Variants in ZSCAN5A observed in about 807,000 individuals in gnomAD.
ZSCAN5A encodes zinc finger and SCAN domain-containing protein 5A.
A neutral mutation model predicts 23.7 loss-of-function variants in ZSCAN5A; 12 were observed. The ratio of observed to expected loss-of-function variants is 0.51; its 90% CI spans 0.32 to 0.82. ZSCAN5A has a LOEUF of 0.82. Among genes scored for constraint, ZSCAN5A ranks in the 40% least tolerant of loss-of-function variants. ZSCAN5A has a pLI of 0.03. For missense variants in ZSCAN5A, 597 were observed against 617.9 expected (o/e 0.97, Z 0.36); for synonymous variants, 257 against 239.9 (o/e 1.07, Z -0.66).
intron 2 of ZSCAN5A, among the ~76,000 whole-genome samples, chr19:56,345,813 T>A (rs572915852): frequency 6.6e-6 from 1 of 152,200 alleles, no homozygotes; most frequent in Non-Finnish European, 1.5e-5. Context: ...ACAATGACAT[T>A]TCTAACTGTC....
intron 2 of ZSCAN5A, among the ~76,000 whole-genome samples, chr19:56,353,774 T>A (rs964359590): frequency 6.6e-6 from 1 of 151,606 alleles, no homozygotes; most frequent in Non-Finnish European, 1.5e-5. Context: ...AGAGCGAGAC[T>A]CTGTCTCAAA....
At position 56,228,058 on chromosome 19, in the gene ZSCAN5A, G is replaced by A. The variant is rs146520977; in HGVS notation, c.-127-2885C>T. ...AAATAAAATATAACCTAAGCTTGAT[G>A]AGAAAGTTAGTATTATTCCTAGTTT... On this transcript the variant is annotated intron_variant, in intron 2 of 5. Coordinates refer to ENST00000683990, the MANE Select transcript of ZSCAN5A (RefSeq NM_001322064.3). Among the ~76,000 whole-genome samples the A allele has an allele frequency of 3.2e-3, 490 of 152,254 alleles. 2 individuals are homozygous for A. The highest frequency in any genetic ancestry group is 0.011 in the African/African-American group (453 of 41,552).
At chr19:56,272,094 A>T (rs967380938) in intron 2 of ZSCAN5A, among the ~76,000 whole-genome samples, 1 of 152,244 alleles carries the variant, frequency 6.6e-6, no homozygotes, top group Non-Finnish European at 1.5e-5. Context: ...AGAGTGGTTA[A>T]GTAACTTGCT....
Position 56,353,706 on chromosome 19 carries a change from C to T in ZSCAN5A, c.-358+9529G>A, listed in dbSNP as rs539343360. Among the ~76,000 whole-genome samples the T allele has an allele frequency of 5.9e-5, 9 of 151,996 alleles. No homozygotes were observed. The South Asian group carries it at 6.2e-4, about 11-fold the overall frequency. ...CTGAGGCAGGAGAATGGCATGAACC[C>T]GGGAGGCAGAGCTTGCAGTGAACCG... On this transcript the variant is annotated intron_variant, in intron 2 of 6. Coordinates refer to the ZSCAN5A transcript ENST00000587340.
At chr19:56,282,363 C>A in intron 2 of ZSCAN5A, 1 of 376,046 alleles carries the variant, frequency 2.7e-6, no homozygotes, top group Non-Finnish European at 3.7e-6. Context: ...TATCTCAGGA[C>A]CTATGGGGTG....
At chr19:56,339,948 C>T (rs549688643) in intron 2 of ZSCAN5A, among the ~76,000 whole-genome samples, 2 of 152,362 alleles carry the variant, frequency 1.3e-5, no homozygotes, top group East Asian at 3.9e-4. Context: ...GAACTCAACA[C>T]CTGCCCACAC....
chr19:56,242,238 C>A (rs914676435), intron 2 of ZSCAN5A, among the ~76,000 whole-genome samples: 2 of 152,110 alleles, frequency 1.3e-5, no homozygotes, highest in Non-Finnish European at 2.9e-5. Flanking sequence ...CTCTAGCAGG[C>A]GTGAGGGGTG....
Position 56,222,598 on chromosome 19 carries a change from C to T in ZSCAN5A, c.732G>A (p.Lys244=). ...GLTSPEPQLP[K]SPTDLVRAKE... Reference sequence around the variant, plus strand: ...CCAAGTCTTCATACTCACTGGGACTCTTTGGAAGCTGAGGCTCTGGGGATG... The same window carrying T: ...CCAAGTCTTCATACTCACTGGGACTTTTTGGAAGCTGAGGCTCTGGGGATG... Residue 244 remains lysine, a synonymous_variant, in exon 5 of 6, where the codon AAG becomes AAA. Coordinates refer to ENST00000683990, the MANE Select transcript of ZSCAN5A (RefSeq NM_001322064.3). 1 of 1,614,164 alleles carries T rather than the reference C, an allele frequency of 6.2e-7. No individual in the cohort carries two copies. The highest frequency in any genetic ancestry group is 8.5e-7 in the Non-Finnish European group (1 of 1,180,024).
In ZSCAN5A at chr19:56,225,183, A is replaced by G. The variant is rs573782009; in HGVS notation, c.-127-10T>C. On this transcript the variant is annotated splice_polypyrimidine_tract_variant and intron_variant, in intron 2 of 5. Transcript: ENST00000683990. Reference sequence around the variant, plus strand: ...CTGTTCATTCAGAAGTCTGGGGGGGAAAAGTATGAGCCTCATTAGTTTAAG... The same window carrying G: ...CTGTTCATTCAGAAGTCTGGGGGGGGAAAGTATGAGCCTCATTAGTTTAAG... The G allele has an allele frequency of 1.2e-5, 16 of 1,344,098 alleles. No homozygotes were observed. The highest frequency in any genetic ancestry group is 7.4e-5 in the Admixed American group (2 of 27,102). The allele number at this position is 1,344,098 out of a possible 1,614,324, so 83.3% of individuals were successfully genotyped here. A position where few individuals can be genotyped will look rare whatever the true frequency, so the allele number is the denominator to read the frequency against.
At chr19:56,298,480 G>A (rs754503839) in intron 2 of ZSCAN5A, among the ~76,000 whole-genome samples, 4 of 151,664 alleles carry the variant, frequency 2.6e-5, no homozygotes, top group South Asian at 2.1e-4. Context: ...GTGAAACCCC[G>A]TCTCTACTAA....
At chr19:56,255,340 G>A (rs907587428) in intron 2 of ZSCAN5A, among the ~76,000 whole-genome samples, 4 of 152,160 alleles carry the variant, frequency 2.6e-5, no homozygotes, top group Non-Finnish European at 4.4e-5. Flanking sequence ...AAGGTGGGGA[G>A]TGGGGAGGGA....
chr19:56,340,438 T>C (rs1306551942), intron 2 of ZSCAN5A, among the ~76,000 whole-genome samples: 1 of 152,220 alleles, frequency 6.6e-6, no homozygotes, highest in Non-Finnish European at 1.5e-5. Flanking sequence ...CACTTTTCCT[T>C]TTCACAATTC....
At chr19:56,286,192 T>C (rs1241920539) in intron 2 of ZSCAN5A, among the ~76,000 whole-genome samples, 1 of 151,856 alleles carries the variant, frequency 6.6e-6, no homozygotes, top group Non-Finnish European at 1.5e-5. Flanking sequence ...CGGCTAATTT[T>C]TGTATTATTA....
intron 2 of ZSCAN5A, among the ~76,000 whole-genome samples, chr19:56,267,777 T>C (rs1218298186): frequency 2.0e-5 from 3 of 152,186 alleles, no homozygotes; most frequent in East Asian, 3.9e-4. Context: ...TAATAACAGT[T>C]CCCATCTCAT....
At chr19:56,297,021 A>G (rs1176857861) in intron 2 of ZSCAN5A, among the ~76,000 whole-genome samples, 1 of 152,052 alleles carries the variant, frequency 6.6e-6, no homozygotes, top group Non-Finnish European at 1.5e-5. Context: ...GTGAGCCGAG[A>G]TCATGCCATT....
At chr19:56,231,986 T>TTC (rs2034502778) in intron 2 of ZSCAN5A, among the ~76,000 whole-genome samples, 2 of 80,100 alleles carry the variant, frequency 2.5e-5, no homozygotes, top group Admixed American at 1.5e-4. Context: ...TTTCTTTCTT[T>TTC]TTTTCTTTTC....
At chr19:56,253,287 G>C (rs1178405078) in intron 2 of ZSCAN5A, among the ~76,000 whole-genome samples, 1 of 142,048 alleles carries the variant, frequency 7.0e-6, no homozygotes, top group African/African-American at 2.6e-5. Flanking sequence ...AAAAAAAAAA[G>C]TCCTCTGGAT....
At chr19:56,280,288 T>C (rs947013656) in intron 2 of ZSCAN5A, among the ~76,000 whole-genome samples, 1 of 152,216 alleles carries the variant, frequency 6.6e-6, no homozygotes, top group African/African-American at 2.4e-5. Context: ...CTCTTATTTA[T>C]ACGTTTTTGG....
At chr19:56,240,523 T>C (rs1326752537) in intron 2 of ZSCAN5A, among the ~76,000 whole-genome samples, 1 of 152,058 alleles carries the variant, frequency 6.6e-6, no homozygotes, top group Non-Finnish European at 1.5e-5. Flanking sequence ...GTTGGAGGCA[T>C]AAGGCGGGAA....
Sources: allele counts gnomAD v4.1 joint callset (sites outside exome capture counted in the v4.1 genomes callset), GRCh38; gene constraint gnomAD v4.1.1; transcripts MANE v1.5; gene names NCBI Gene and HGNC (gene_info 2026-07-23, HGNC 2026-07-21).